The following VPS33B variants were observed in gnomAD, a reference collection of about 807,000 sequenced individuals.
The protein encoded by VPS33B is vacuolar protein sorting-associated protein 33B.
VPS33B carries 80 observed loss-of-function variants against 95.3 expected under a neutral mutation model. The ratio of observed to expected loss-of-function variants is 0.84; its 90% CI spans 0.70 to 1.01. The LOEUF is 1.01. Ranked by LOEUF, VPS33B falls within the 50% of genes least tolerant of loss-of-function variation. VPS33B has a pLI of 0.00. For synonymous variants in VPS33B, 280 were observed against 280.4 expected (o/e 1.00, Z 0.01); for missense variants, 715 against 773.4 (o/e 0.92, Z 0.90).
At chr15:91,004,747 G>T (rs2040549320) in intron 16 of VPS33B, 130 bp downstream of exon 16, 5 of 1,155,616 alleles carry the variant, frequency 4.3e-6, no homozygotes, top group South Asian at 2.6e-5. Context: ...AAACAAAAAA[G>T]AATCCATTAA....
rs1054270582 is a variant in VPS33B at position 91,013,734 on chromosome 15, G to T, written c.357+70C>A. The stretch of plus-strand genomic sequence containing the variant: ...ACGGAGACAGGGAGGTAGTGCTGTT[G>T]GCCCCTTACCCCTGCCCGGTCCTCA... On this transcript the variant is annotated intron_variant, in intron 5 of 22. Transcript: ENST00000333371. This position sits in a 1 kb window ranked among gnomAD's most constrained non-coding sequence, Gnocchi z 4.5. 124 of 1,529,670 alleles carry T rather than the reference G, an allele frequency of 8.1e-5. 1 individual carries two copies. Among genetic ancestry groups the T allele is most frequent in the South Asian group, 3.4e-5 (3 of 89,372 alleles). 94.8% of individuals were successfully genotyped at this position (1,529,670 alleles called of 1,614,324 possible). A position where few individuals can be genotyped will look rare whatever the true frequency, so the allele number is the denominator to read the frequency against.
chr15:91,005,052 C>T lies in VPS33B; in HGVS notation c.1170+3G>A. On this transcript the variant is annotated splice_donor_region_variant and intron_variant, in intron 15 of 22. Transcript: ENST00000333371. This position sits in a 1 kb window ranked among gnomAD's most constrained non-coding sequence, Gnocchi z 6.4. ...TGGCACCCCCAGCCCTCCACCTGCG[C>T]ACCTGCCGGTCTATGTGTTCCTCAA... 1 of 1,614,258 alleles carries T rather than the reference C, an allele frequency of 6.2e-7. No individual in the cohort carries two copies. Among genetic ancestry groups the T allele is most frequent in the Non-Finnish European group, 8.5e-7 (1 of 1,180,052 alleles).
In VPS33B at chr15:91,015,718, T is replaced by A. The variant is rs1198301202; in HGVS notation, c.239+1245A>T. 6.6e-6 allele frequency among the ~76,000 whole-genome samples: 1 copy of A among 151,124 alleles called. No homozygotes were observed. Among genetic ancestry groups the A allele is most frequent in the African/African-American group, 2.5e-5 (1 of 40,732 alleles). ...CAGTGCTGCACACTTGTAATCCCAG[T>A]TACTCAGGAGACTGAGGTAGGAGGA... is the stretch of plus-strand genomic sequence containing the variant. On this transcript the variant is annotated intron_variant, in intron 3 of 22. Coordinates refer to ENST00000333371, the MANE Select transcript of VPS33B (RefSeq NM_018668.5). This position sits in a 1 kb window ranked among gnomAD's most constrained non-coding sequence, Gnocchi z 4.7.
Position 90,999,383 on chromosome 15 carries a change from A to G in VPS33B, c.1774+294T>C. The G allele has an allele frequency of 3.9e-6, 2 of 507,586 alleles. No homozygotes were observed. The highest frequency in any genetic ancestry group is 3.2e-5 in the Admixed American group (1 of 31,210). 31.4% of individuals were successfully genotyped at this position (507,586 alleles called of 1,614,324 possible). ...GCCCAGGCTGGAGTGCAATGGTGCA[A>G]TCTCAGCTCACTGCAACCTCCACCT... On this transcript the variant is annotated intron_variant, in intron 22 of 22. Coordinates refer to ENST00000333371, the MANE Select transcript of VPS33B (RefSeq NM_018668.5). The surrounding 1 kb of genome is among the most constrained non-coding windows in gnomAD (Gnocchi z 5.1).
Position 90,999,985 on chromosome 15 carries a change from T to C in VPS33B, c.1582-10A>G. ...TTCGCCGCTCTAGCACCTGGGAAGGTGTAAGCACTGTTTTTAAGGCTACAG... is the reference window on the plus strand; with the variant it reads ...TTCGCCGCTCTAGCACCTGGGAAGGCGTAAGCACTGTTTTTAAGGCTACAG... On this transcript the variant is annotated splice_polypyrimidine_tract_variant and intron_variant, in intron 20 of 22. Transcript: ENST00000333371. The surrounding 1 kb of genome is among the most constrained non-coding windows in gnomAD (Gnocchi z 5.1). 1 of 1,614,048 alleles carries C rather than the reference T, an allele frequency of 6.2e-7. No individual in the cohort carries two copies. The highest frequency in any genetic ancestry group is 8.5e-7 in the Non-Finnish European group (1 of 1,180,004).
At position 91,015,267 on chromosome 15, in the gene VPS33B, T is replaced by G. The variant is rs2040891274; in HGVS notation, c.240-834A>C. Among the ~76,000 whole-genome samples, 1 of 151,260 alleles carries G rather than the reference T, an allele frequency of 6.6e-6. No individual in the cohort carries two copies. The highest frequency in any genetic ancestry group is 1.5e-5 in the Non-Finnish European group (1 of 67,906). On this transcript the variant is annotated intron_variant, in intron 3 of 22. Coordinates refer to ENST00000333371, the MANE Select transcript of VPS33B (RefSeq NM_018668.5). The surrounding 1 kb of genome is among the most constrained non-coding windows in gnomAD (Gnocchi z 4.7). ...AGGAGAATCGCTTGAACCCAGGAGGTGGAGGTTACAGTGAGCCCAGATCGC... is the reference window on the plus strand; with the variant it reads ...AGGAGAATCGCTTGAACCCAGGAGGGGGAGGTTACAGTGAGCCCAGATCGC...
intron 1 of VPS33B, among the ~76,000 whole-genome samples, chr15:91,019,727 T>C (rs779350759): frequency 3.3e-5 from 5 of 152,056 alleles, no homozygotes; most frequent in Non-Finnish European, 5.9e-5. Flanking sequence ...AGCGCAAGCA[T>C]GTGGCAATGA....
Position 91,007,060 on chromosome 15 carries a change from A to G in VPS33B, c.604-14T>C, listed in dbSNP as rs143987577. The stretch of plus-strand genomic sequence containing the variant: ...TTCATATGCCATCTGCCAGGGCCCA[A>G]GACATTCTCAGTCTTGTGTCCAGGT... On this transcript the variant is annotated splice_polypyrimidine_tract_variant and intron_variant, in intron 8 of 22. Transcript: ENST00000333371. The surrounding 1 kb of genome is among the most constrained non-coding windows in gnomAD (Gnocchi z 5.3). 1.1e-4 allele frequency: 172 copies of G among 1,607,708 alleles called. No individual in the cohort carries two copies. The East Asian group carries it at 3.1e-3, about 29-fold the overall frequency.
intron 3 of VPS33B, among the ~76,000 whole-genome samples, chr15:91,016,693 G>C (rs1180589063): frequency 1.3e-5 from 2 of 152,034 alleles, no homozygotes; most frequent in Non-Finnish European, 2.9e-5. Context: ...TGCCTTGCAG[G>C]TTCTTGAGAA....
chr15:91,021,748 T>C (rs2151688417), intron 1 of VPS33B, among the ~76,000 whole-genome samples: 1 of 152,358 alleles, frequency 6.6e-6, no homozygotes, highest in East Asian at 1.9e-4. Flanking sequence ...TCCTAGATCA[T>C]CACCCCAACT....
Position 91,002,657 on chromosome 15 carries a change from G to GAA in VPS33B, c.1272+426_1272+427dup, listed in dbSNP as rs1799998856. Among the ~76,000 whole-genome samples the GAA allele has an allele frequency of 4.0e-5, 6 of 148,330 alleles. No individual in the cohort carries two copies. Among genetic ancestry groups the GAA allele is most frequent in the African/African-American group, 1.5e-4 (6 of 40,260 alleles). ...AATAAAAAAAAAAAAAAAAAGAAAAGAAATAATTAGCACCAAACAAAGAAG... is the reference window on the plus strand; with the variant it reads ...AATAAAAAAAAAAAAAAAAAGAAAAGAAAAATAATTAGCACCAAACAAAGAAG... On this transcript the variant is annotated intron_variant, in intron 17 of 22. Coordinates refer to ENST00000333371, the MANE Select transcript of VPS33B (RefSeq NM_018668.5). This position sits in a 1 kb window ranked among gnomAD's most constrained non-coding sequence, Gnocchi z 4.7.
Position 91,000,531 on chromosome 15 carries a change from C to G in VPS33B, c.1540G>C (p.Gly514Arg), listed in dbSNP as rs11073964. Residue 514 changes from glycine (G) to arginine (R), a missense_variant, in exon 20 of 23, where the codon GGT becomes CGT. Coordinates refer to ENST00000333371, the MANE Select transcript of VPS33B (RefSeq NM_018668.5). The surrounding 1 kb of genome is among the most constrained non-coding windows in gnomAD (Gnocchi z 4.9). ...CAGCTCAGGGGCACATAAGCACCAC[C>G]GAAGACGTAAGCCATGTCTCGGGGC... Reference protein sequence around the residue: ...KVPRDMAYVFGGAYVPLSCRI... With the variant: ...KVPRDMAYVFRGAYVPLSCRI... The G allele has an allele frequency of 1.2e-5, 20 of 1,613,254 alleles. No individual in the cohort carries two copies. The highest frequency in any genetic ancestry group is 1.5e-5 in the Non-Finnish European group (18 of 1,179,618).
chr15:91,010,885 G>A lies in VPS33B; in HGVS notation c.358-1039C>T, dbSNP rs2040760327. Among the ~76,000 whole-genome samples the A allele has an allele frequency of 6.6e-6, 1 of 152,188 alleles. No homozygotes were observed. Among genetic ancestry groups the A allele is most frequent in the African/African-American group, 2.4e-5 (1 of 41,444 alleles). ...CCAGTGGATTTGACAACGGAGACCT[G>A]AGGGAGACTAGATGAAACGATGAAG... On this transcript the variant is annotated intron_variant, in intron 5 of 22. Transcript: ENST00000333371. This position sits in a 1 kb window ranked among gnomAD's most constrained non-coding sequence, Gnocchi z 5.7.
chr15:91,005,417 G>T lies in VPS33B; in HGVS notation c.1068C>A (p.Thr356=). ...TGATTAGCTCCTGGAAATCCTGCTTGGTTTTCTTCTTCATGATGGATTCAC... is the reference window on the plus strand; with the variant it reads ...TGATTAGCTCCTGGAAATCCTGCTTTGTTTTCTTCTTCATGATGGATTCAC... ...GACESIMKKK[T]KQDFQELIKT... is the part of the protein sequence containing the mutation. The change falls in exon 14 of 23, where the codon ACC becomes ACA. Residue 356 remains threonine (T), a synonymous_variant. Coordinates refer to ENST00000333371, the MANE Select transcript of VPS33B (RefSeq NM_018668.5). This position sits in a 1 kb window ranked among gnomAD's most constrained non-coding sequence, Gnocchi z 6.4. 3 of 1,614,098 alleles carry T rather than the reference G, an allele frequency of 1.9e-6. No individual in the cohort carries two copies. Among genetic ancestry groups the T allele is most frequent in the Non-Finnish European group, 2.5e-6 (3 of 1,180,032 alleles).
rs149561836 is a variant in VPS33B, at chr15:90,999,108, G to A, written c.1775-54C>T. 63 of 1,565,638 alleles carry A rather than the reference G, an allele frequency of 4.0e-5. No homozygotes were observed. The African/African-American group carries it at 6.9e-4, about 17-fold the overall frequency. On this transcript the variant is annotated intron_variant, in intron 22 of 22. Coordinates refer to ENST00000333371, the MANE Select transcript of VPS33B (RefSeq NM_018668.5). The surrounding 1 kb of genome is among the most constrained non-coding windows in gnomAD (Gnocchi z 5.1). The stretch of plus-strand genomic sequence containing the variant: ...GACAGCACAGATCTTAGGCCCCAAC[G>A]GCAACCCATAGAGCCTCTCCAGTTC...
chr15:91,005,114 G>C lies in VPS33B; in HGVS notation c.1111C>G (p.Leu371Val). ...CTCTCCCGGATGTTGAACCCCTCTAGCAGTGCTGTGAGTAATCAGAGGAGA... is the reference window on the plus strand; with the variant it reads ...CTCTCCCGGATGTTGAACCCCTCTACCAGTGCTGTGAGTAATCAGAGGAGA... ...QELIKTEHAL[L>V]EGFNIRESTS... The change falls in exon 15 of 23, where the codon CTA becomes GTA. Residue 371 changes from leucine to valine, a missense_variant. Coordinates refer to ENST00000333371, the MANE Select transcript of VPS33B (RefSeq NM_018668.5). The surrounding 1 kb of genome is among the most constrained non-coding windows in gnomAD (Gnocchi z 6.4). The C allele has an allele frequency of 3.1e-6, 5 of 1,614,150 alleles. No individual in the cohort carries two copies. The highest frequency in any genetic ancestry group is 4.2e-6 in the Non-Finnish European group (5 of 1,180,032).
rs1278839944 is a variant in VPS33B, at chr15:91,001,436, G to C, written c.1432C>G (p.Leu478Val). The C allele has an allele frequency of 6.2e-7, 1 of 1,613,964 alleles. No homozygotes were observed. Among genetic ancestry groups the C allele is most frequent in the Non-Finnish European group, 8.5e-7 (1 of 1,179,960 alleles). ...AGKITDAFSS[L>V]AKRSNFRAIS... is the part of the protein sequence containing the mutation. ...GCACGAAAATTGCTCCTCTTGGCCA[G>C]AGAACTGAAGGCATCAGTAATCTTT... Residue 478 changes from leucine (L) to valine (V), a missense_variant, in exon 19 of 23, where the codon CTG (leucine) becomes GTG (valine). Physicochemically the swap from Leu to Val is conservative, Grantham distance 32 (BLOSUM62 1). Transcript: ENST00000333371.
In VPS33B at chr15:91,022,337, T is replaced by A; in HGVS notation, c.-88A>T. On this transcript the variant is annotated 5_prime_UTR_variant, in exon 1 of 23. Coordinates refer to ENST00000333371, the MANE Select transcript of VPS33B (RefSeq NM_018668.5). ...GCCCAGGGAAGCGCAAGGGGGGCTA[T>A]CCTTCAGGCCTGGGCACCGACTTCC... 1.4e-6 allele frequency: 2 copies of A among 1,379,620 alleles called. No homozygotes were observed. The highest frequency in any genetic ancestry group is 2.0e-6 in the Non-Finnish European group (2 of 1,020,892). 85.5% of individuals were successfully genotyped at this position (1,379,620 alleles called of 1,614,324 possible). A position where few individuals can be genotyped will look rare whatever the true frequency, so the allele number is the denominator to read the frequency against.
intron 3 of VPS33B, among the ~76,000 whole-genome samples, chr15:91,014,935 A>G (rs117741099): frequency 0.058 from 8,790 of 152,142 alleles, 380 homozygotes; most frequent in Non-Finnish European, 0.086. Context: ...AAAAATAATA[A>G]TAGTGCTGTA....
Sources: allele counts gnomAD v4.1 joint callset (sites outside exome capture counted in the v4.1 genomes callset), GRCh38; gene constraint gnomAD v4.1.1; non-coding constraint Gnocchi (gnomAD v3.1); transcripts MANE v1.5; gene names NCBI Gene and HGNC (gene_info 2026-07-23, HGNC 2026-07-21).